KNTC1: variants seen among roughly 807,000 people sequenced by gnomAD.
The protein encoded by KNTC1 is kinetochore-associated protein 1.
Under a neutral mutation model 314.4 loss-of-function variants are expected in KNTC1, and 253 were observed. The observed-to-expected ratio is 0.80, with a 90% CI of 0.73 to 0.89. The LOEUF is 0.89. KNTC1 is among the 40% of genes least tolerant of loss of function. The probability of loss-of-function intolerance (pLI) is 0.00; values close to 1 mark genes in which losing one functional copy is unlikely to be tolerated. For missense variants in KNTC1, 2,475 were observed against 2,572.9 expected, an observed-to-expected ratio of 0.96 and a Z score of 0.82; for synonymous variants, 901 against 901.4, an observed-to-expected ratio of 1.00 and a Z score of 0.01.
At chr12:122,588,475 T>C (rs924220661) in intron 39 of KNTC1, among the ~76,000 whole-genome samples, 8 of 152,310 alleles carry the variant, frequency 5.3e-5, no homozygotes, top group Non-Finnish European at 1.2e-4. Context: ...ATTTTAAGTA[T>C]ATCAACCAAT....
chr12:122,620,291 C>G, intron 59 of KNTC1, 188 bp from the exon 60 acceptor site: 1 of 409,634 alleles, frequency 2.4e-6, no homozygotes, highest in South Asian at 4.1e-5. Flanking sequence ...TGGGTAAATT[C>G]TTTTATTCTG....
At chr12:122,613,856 T>A in intron 55 of KNTC1, 95 bp downstream of exon 55, 1 of 1,311,660 alleles carries the variant, frequency 7.6e-7, no homozygotes. Flanking sequence ...GTTGTTGTTG[T>A]TGGGGACAGA....
In KNTC1 at chr12:122,613,769, C is replaced by T; in HGVS notation, c.5877+8C>T. The T allele has an allele frequency of 3.8e-6, 6 of 1,596,606 alleles. No homozygotes were observed. Among genetic ancestry groups the T allele is most frequent in the South Asian group, 1.1e-5 (1 of 87,348 alleles). Reference sequence around the variant, plus strand: ...CACAGCCACGAGTCCATGGTAGGTACACCTCACTGCCCCATTCCCAATTCC... The same window carrying T: ...CACAGCCACGAGTCCATGGTAGGTATACCTCACTGCCCCATTCCCAATTCC... On this transcript the variant is annotated splice_region_variant and intron_variant, in intron 55 of 63. Coordinates refer to ENST00000333479, the MANE Select transcript of KNTC1 (RefSeq NM_014708.6).
intron 44 of KNTC1, among the ~76,000 whole-genome samples, chr12:122,598,399 A>C (rs1871344667): frequency 1.4e-5 from 2 of 147,168 alleles, no homozygotes; most frequent in Admixed American, 6.9e-5. Context: ...CCTGCCGGAA[A>C]TGTCTTTTTT....
intron 3 of KNTC1, among the ~76,000 whole-genome samples, chr12:122,536,231 A>G (rs1257864984): frequency 8.0e-5 from 11 of 137,790 alleles, no homozygotes; most frequent in Admixed American, 7.3e-4. Context: ...TTGAGTAGAA[A>G]TTTTTTTTTT....
chr12:122,540,925 C>CT (rs1032091716), intron 5 of KNTC1, among the ~76,000 whole-genome samples: 1 of 152,122 alleles, frequency 6.6e-6, no homozygotes, highest in Non-Finnish European at 1.5e-5. Context: ...AATTCTAGCA[C>CT]TTTAGGAGGC....
At chr12:122,613,347 C>A (rs1399309305) in intron 54 of KNTC1, 117 bp downstream of exon 54, 2 of 724,386 alleles carry the variant, frequency 2.8e-6, no homozygotes, top group Non-Finnish European at 4.5e-6. Context: ...GAATACAGTT[C>A]TGTTGCCCTG....
rs1449647355 is a variant in KNTC1 at position 122,546,240 on chromosome 12, A to G, written c.734A>G (p.Lys245Arg). The change falls in exon 9 of 64, where the codon AAG becomes AGG. Residue 245 changes from lysine to arginine, a missense_variant. Physicochemically the swap from Lys to Arg is conservative, Grantham distance 26. Coordinates refer to ENST00000333479, the MANE Select transcript of KNTC1 (RefSeq NM_014708.6). ...TCTTCCAAGAAAGGAATGACAGTTAAGAACCTTATTGATGCAGAGATTATT... is the reference window on the plus strand; with the variant it reads ...TCTTCCAAGAAAGGAATGACAGTTAGGAACCTTATTGATGCAGAGATTATT... ...PDSSKKGMTV[K>R]NLIDAEIIKG... The G allele has an allele frequency of 6.3e-7, 1 of 1,599,664 alleles. No individual in the cohort carries two copies. Among genetic ancestry groups the G allele is most frequent in the Admixed American group, 1.7e-5 (1 of 59,972 alleles).
chr12:122,552,397 C>G (rs1303685194), intron 16 of KNTC1, among the ~76,000 whole-genome samples: 1 of 152,164 alleles, frequency 6.6e-6, no homozygotes, highest in South Asian at 2.1e-4. Flanking sequence ...AAGTAGGGGC[C>G]TCTGTCACCC....
chr12:122,595,017 A>C (rs1047997939), intron 43 of KNTC1, among the ~76,000 whole-genome samples: 1 of 152,198 alleles, frequency 6.6e-6, no homozygotes, highest in Non-Finnish European at 1.5e-5. Context: ...CTGGAATTAC[A>C]GGCATGCACC....
chr12:122,571,586 C>G (rs548100875), intron 24 of KNTC1, among the ~76,000 whole-genome samples: 3 of 151,986 alleles, frequency 2.0e-5, no homozygotes. Flanking sequence ...CTTGAACTCC[C>G]AGACCCAAGT....
chr12:122,547,761 A>G (rs1234732673), intron 11 of KNTC1, among the ~76,000 whole-genome samples, 154 bp from the exon 12 acceptor site: 4 of 152,252 alleles, frequency 2.6e-5, no homozygotes, highest in African/African-American at 7.2e-5. Context: ...AATGGAATAC[A>G]GTGTCTATTA....
At chr12:122,559,175 C>A (rs1041740020) in intron 18 of KNTC1, among the ~76,000 whole-genome samples, 19 of 147,120 alleles carry the variant, frequency 1.3e-4, no homozygotes, top group African/African-American at 4.6e-4. Context: ...GGTGAAACCC[C>A]GTCTCTACTA....
chr12:122,560,136 C>T (rs1165252262), intron 18 of KNTC1, among the ~76,000 whole-genome samples: 1 of 152,148 alleles, frequency 6.6e-6, no homozygotes, highest in Non-Finnish European at 1.5e-5. Flanking sequence ...TGGCTTATTT[C>T]ACTTAGCATA....
chr12:122,566,059 C>G (rs908367108), intron 20 of KNTC1, among the ~76,000 whole-genome samples: 2 of 149,780 alleles, frequency 1.3e-5, no homozygotes, highest in African/African-American at 4.9e-5. Context: ...TCTCCTGCCT[C>G]AACCTCCTGA....
intron 40 of KNTC1, among the ~76,000 whole-genome samples, 190 bp from the exon 41 acceptor site, chr12:122,590,417 A>G (rs993620630): frequency 6.6e-6 from 1 of 152,186 alleles, no homozygotes; most frequent in Non-Finnish European, 1.5e-5. Context: ...CTTCTTCTGT[A>G]GTGTCTATAA....
chr12:122,583,019 T>G (rs1868653081), intron 34 of KNTC1, 34 bp downstream of exon 34: 1 of 1,568,508 alleles, frequency 6.4e-7, no homozygotes, highest in African/African-American at 1.4e-5. Flanking sequence ...GCATAGCTTC[T>G]CTGAAATTGC....
intron 63 of KNTC1, among the ~76,000 whole-genome samples, chr12:122,625,007 A>G (rs1449592199): frequency 1.3e-5 from 2 of 152,082 alleles, no homozygotes; most frequent in Non-Finnish European, 2.9e-5. Flanking sequence ...CAGGTGAAAA[A>G]CTGAATTCTA....
chr12:122,529,720 T>C (rs1266403772), intron 1 of KNTC1, among the ~76,000 whole-genome samples: 2 of 152,214 alleles, frequency 1.3e-5, no homozygotes, highest in African/African-American at 4.8e-5. Context: ...AATGAAAACT[T>C]GGTATAATTC....
Sources: allele counts gnomAD v4.1 joint callset (sites outside exome capture counted in the v4.1 genomes callset), GRCh38; gene constraint gnomAD v4.1.1; transcripts MANE v1.5; gene names NCBI Gene and HGNC (gene_info 2026-07-23, HGNC 2026-07-21).